Variants in METTL15 observed in about 807,000 individuals in gnomAD.
METTL15 encodes the protein methyltransferase 15, mitochondrial 12S rRNA N4-cytidine.
A neutral mutation model predicts 38.3 loss-of-function variants in METTL15; 34 were observed. That is an observed-to-expected ratio of 0.89 (90% confidence interval 0.68 to 1.18). The LOEUF (loss-of-function observed/expected upper bound fraction) is 1.18, where lower values mean the gene tolerates loss of function less well. Ranked by LOEUF, METTL15 falls within the 50% of genes most tolerant of loss-of-function variation. The pLI, the probability that METTL15 is intolerant of heterozygous loss-of-function variation, is 0.00. For synonymous variants in METTL15, 162 were observed against 170.9 expected (o/e 0.95, Z 0.41); for missense variants, 438 against 498.4 (o/e 0.88, Z 1.15).
chr11:28,497,994 C>A (rs1426886641), intron 6 of METTL15, among the ~76,000 whole-genome samples: 1 of 149,752 alleles, frequency 6.7e-6, no homozygotes. Context: ...GCGGAGGTTG[C>A]AGTGAGCCAA....
chr11:28,247,803 A>G (rs1032911906), intron 4 of METTL15, among the ~76,000 whole-genome samples: 3 of 152,084 alleles, frequency 2.0e-5, no homozygotes, highest in Non-Finnish European at 4.4e-5. Context: ...TTTTTGCATT[A>G]TGTTTTATTT....
intron 4 of METTL15, among the ~76,000 whole-genome samples, chr11:28,359,344 C>G (rs1850116559): frequency 6.6e-6 from 1 of 152,092 alleles, no homozygotes; most frequent in Non-Finnish European, 1.5e-5. Flanking sequence ...TGATGGGCAC[C>G]TAGGTTGATG....
chr11:28,510,108 A>G (rs2133499742), intron 6 of METTL15, among the ~76,000 whole-genome samples: 1 of 152,294 alleles, frequency 6.6e-6, no homozygotes, highest in South Asian at 2.1e-4. Flanking sequence ...AAGCCCATTG[A>G]AACCTGGATC....
chr11:28,480,145 C>T (rs961399310), intron 6 of METTL15, among the ~76,000 whole-genome samples: 4 of 152,106 alleles, frequency 2.6e-5, no homozygotes, highest in Admixed American at 1.3e-4. Context: ...CAGTTACAGA[C>T]GTGACATGTT....
intron 4 of METTL15, among the ~76,000 whole-genome samples, chr11:28,256,458 C>A (rs1180703810): frequency 6.6e-6 from 1 of 152,054 alleles, no homozygotes; most frequent in Non-Finnish European, 1.5e-5. Context: ...AAGAATTTAT[C>A]CATTTCTTCT....
intron 3 of METTL15, chr11:28,145,033 T>C (rs1849830591): frequency 1.1e-5 from 2 of 184,252 alleles, no homozygotes; most frequent in South Asian, 2.8e-4. Flanking sequence ...GTAAGCACTG[T>C]TGACTATTTT....
chr11:28,507,747 A>C (rs1035746193), intron 6 of METTL15, among the ~76,000 whole-genome samples: 1 of 152,064 alleles, frequency 6.6e-6, no homozygotes, highest in Non-Finnish European at 1.5e-5. Context: ...ATATCTAATC[A>C]ATTGGTCCTG....
intron 3 of METTL15, among the ~76,000 whole-genome samples, chr11:28,347,012 T>A (rs1377317503): frequency 6.6e-6 from 1 of 152,214 alleles, no homozygotes; most frequent in African/African-American, 2.4e-5. Context: ...CTATGACTCT[T>A]GTAACTAAGA....
chr11:28,111,958 T>TCC (rs550588245), intron 2 of METTL15, among the ~76,000 whole-genome samples: 1 of 148,936 alleles, frequency 6.7e-6, no homozygotes, highest in Admixed American at 6.7e-5. Context: ...GATCACTCAT[T>TCC]CCCCCCCCCA....
chr11:28,203,225 T>C (rs1175571619), intron 3 of METTL15, among the ~76,000 whole-genome samples: 1 of 152,072 alleles, frequency 6.6e-6, no homozygotes, highest in African/African-American at 2.4e-5. Flanking sequence ...TTAAAAATCA[T>C]TTTTAAATTT....
chr11:28,293,762 GGTTCTTCA>G (rs1856620204), intron 5 of METTL15, among the ~76,000 whole-genome samples: 1 of 152,102 alleles, frequency 6.6e-6, no homozygotes, highest in South Asian at 2.1e-4. Flanking sequence ...TCCTTGAAGA[GGTTCTTCA>G]CGTCCTTTGT....
intron 4 of METTL15, among the ~76,000 whole-genome samples, chr11:28,217,024 G>A (rs1157920180): frequency 3.3e-5 from 5 of 152,058 alleles, no homozygotes; most frequent in East Asian, 1.9e-4. Flanking sequence ...ATAAACATAC[G>A]TGTGCATGTG....
At chr11:28,181,020 A>G (rs1851263692) in intron 3 of METTL15, among the ~76,000 whole-genome samples, 1 of 151,716 alleles carries the variant, frequency 6.6e-6, no homozygotes, top group Admixed American at 6.6e-5. Flanking sequence ...AGGTAATAAT[A>G]TTGACTGATG....
At chr11:28,117,709 T>G (rs1746394381) in intron 3 of METTL15, among the ~76,000 whole-genome samples, 1 of 152,172 alleles carries the variant, frequency 6.6e-6, no homozygotes, top group Admixed American at 6.5e-5. Context: ...TCTTGTGAGG[T>G]ACACTTAGAG....
At chr11:28,243,805 G>T (rs1854402606) in intron 4 of METTL15, among the ~76,000 whole-genome samples, 1 of 151,944 alleles carries the variant, frequency 6.6e-6, no homozygotes, top group Non-Finnish European at 1.5e-5. Flanking sequence ...ATGTCATATT[G>T]AAAGAAAAAA....
intron 4 of METTL15, among the ~76,000 whole-genome samples, chr11:28,281,501 C>T (rs1171056207): frequency 1.3e-5 from 2 of 152,158 alleles, no homozygotes; most frequent in African/African-American, 4.8e-5. Flanking sequence ...CAAGTCTTAG[C>T]CGTTTTTATA....
intron 4 of METTL15, chr11:28,352,188 G>A (rs1443761646): frequency 2.0e-5 from 3 of 152,154 alleles, no homozygotes; most frequent in Admixed American, 6.6e-5. Context: ...CCTTTCTGCC[G>A]GGAGGAGGGA....
At chr11:28,301,136 A>G (rs1856899289) in intron 6 of METTL15, among the ~76,000 whole-genome samples, 1 of 152,066 alleles carries the variant, frequency 6.6e-6, no homozygotes, top group Non-Finnish European at 1.5e-5. Context: ...CTGTCTTTTC[A>G]TCTTCCCCTT....
intron 6 of METTL15, among the ~76,000 whole-genome samples, chr11:28,435,407 T>C (rs1207991105): frequency 6.6e-6 from 1 of 152,216 alleles, no homozygotes; most frequent in African/African-American, 2.4e-5. Flanking sequence ...CTCTGAACTC[T>C]TTCTGGGCAG....
Sources: gnomAD v4.1 joint callset for allele counts (sites outside exome capture counted in the v4.1 genomes callset) on GRCh38, gnomAD v4.1.1 for gene constraint, MANE v1.5 for transcripts, NCBI Gene and HGNC (gene_info 2026-07-23, HGNC 2026-07-21) for gene names.